Variants in TANC2 observed in about 807,000 individuals in gnomAD.
The protein encoded by TANC2 is tetratricopeptide repeat, ankyrin repeat and coiled-coil containing 2.
In TANC2, 26 loss-of-function variants were observed where a neutral mutation model predicts 210.5. The ratio of observed to expected loss-of-function variants is 0.12; its 90% CI spans 0.09 to 0.17. TANC2 has a LOEUF of 0.17. TANC2 is among the 10% of genes least tolerant of loss of function. The pLI, the probability that TANC2 is intolerant of heterozygous loss-of-function variation, is 1.00. For synonymous variants in TANC2, 931 were observed against 967.1 expected (o/e 0.96, Z 0.69); for missense variants, 2,129 against 2,608.9 (o/e 0.82, Z 4.01).
chr17:63,015,188 G>A (rs1439070199), intron 2 of TANC2, among the ~76,000 whole-genome samples: 2 of 151,734 alleles, frequency 1.3e-5, no homozygotes, highest in South Asian at 2.1e-4. Flanking sequence ...AGTTTAAAAA[G>A]CATTTGTAAT....
intron 14 of TANC2, among the ~76,000 whole-genome samples, chr17:63,371,321 C>A (rs1210332711): frequency 6.6e-6 from 1 of 152,042 alleles, no homozygotes; most frequent in Non-Finnish European, 1.5e-5. Flanking sequence ...AAAAAATGAG[C>A]CAGGCGTGGT....
exon 12 of TANC2, chr17:63,340,190 C>T (rs1225583498): frequency 6.2e-7 from 1 of 1,613,948 alleles, no homozygotes; most frequent in Non-Finnish European, 8.5e-7. Context: ...TGCTCTGCCG[C>T]TCACCTCAGC....
At chr17:63,016,154 G>C (rs1017020239) in intron 2 of TANC2, among the ~76,000 whole-genome samples, 1 of 152,124 alleles carries the variant, frequency 6.6e-6, no homozygotes, top group Non-Finnish European at 1.5e-5. Flanking sequence ...ACAAGAAGTA[G>C]AATTTATTCC....
At position 63,328,376 on chromosome 17, in the gene TANC2, ATGTGTGTGTG is replaced by A. The variant is rs61546119; in HGVS notation, c.1575+9308_1575+9317del. 4.9e-4 allele frequency among the ~76,000 whole-genome samples: 72 copies of A among 147,132 alleles called. No individual in the cohort carries two copies. In the South Asian group the frequency reaches 6.1e-3, roughly 12 times the overall value. ...TAAAACATGGTATGTGTATGTGTATATGTGTGTGTGTGTGTGTGTGTGTGTGTGTGTATTC... is the reference window on the plus strand; with the variant it reads ...TAAAACATGGTATGTGTATGTGTATATGTGTGTGTGTGTGTGTGTGTATTC... On this transcript the variant is annotated intron_variant, in intron 11 of 27. Coordinates refer to ENST00000689528, the Ensembl canonical transcript of TANC2.
chr17:63,089,210 G>A (rs2037090618), intron 3 of TANC2: 1 of 152,238 alleles, frequency 6.6e-6, no homozygotes, highest in African/African-American at 2.4e-5. Flanking sequence ...ATTCCAGGCA[G>A]ATGGAAGGGC....
At chr17:63,179,973 TAAAAA>T (rs34426210) in intron 5 of TANC2, among the ~76,000 whole-genome samples, 1 of 123,266 alleles carries the variant, frequency 8.1e-6, no homozygotes. Flanking sequence ...TACATCTCTT[TAAAAA>T]AAAAAAAAAA....
intron 7 of TANC2, among the ~76,000 whole-genome samples, chr17:63,222,510 G>A (rs1394185918): frequency 1.3e-5 from 2 of 152,140 alleles, no homozygotes; most frequent in Non-Finnish European, 2.9e-5. Flanking sequence ...TTCTACAAAA[G>A]GCAAAACTAT....
intron 12 of TANC2, 125 bp downstream of exon 12, chr17:63,340,457 T>G: frequency 4.6e-5 from 33 of 710,942 alleles, no homozygotes; most frequent in Non-Finnish European, 5.8e-5. Context: ...CTGGATATCC[T>G]GTAGGATACA....
chr17:63,132,538 T>A (rs1346375402), intron 4 of TANC2, among the ~76,000 whole-genome samples: 1 of 152,202 alleles, frequency 6.6e-6, no homozygotes, highest in Non-Finnish European at 1.5e-5. Context: ...GTTCTGTCTC[T>A]CCAGCTAGCT....
intron 3 of TANC2, among the ~76,000 whole-genome samples, chr17:63,094,801 C>G (rs1487034355): frequency 6.6e-6 from 1 of 152,120 alleles, no homozygotes; most frequent in African/African-American, 2.4e-5. Context: ...GTCTAGTCAC[C>G]AGGTGTCCAG....
At chr17:63,425,733 T>A (rs1037539005) in exon 28 of TANC2, 1 of 152,226 alleles carries the variant, frequency 6.6e-6, no homozygotes, top group Admixed American at 6.5e-5. Context: ...TCTGTGCCAG[T>A]TGTGCAAGAC....
At chr17:63,069,240 A>G (rs1437827024) in intron 2 of TANC2, among the ~76,000 whole-genome samples, 5 of 152,168 alleles carry the variant, frequency 3.3e-5, no homozygotes, top group African/African-American at 1.2e-4. Context: ...TTATGAACAT[A>G]TTTCTCAGCT....
intron 5 of TANC2, among the ~76,000 whole-genome samples, chr17:63,184,336 A>G (rs916299500): frequency 2.4e-4 from 37 of 152,180 alleles, no homozygotes; most frequent in African/African-American, 8.4e-4. Context: ...AGAGTAAAAA[A>G]GCATAAACAA....
intron 14 of TANC2, among the ~76,000 whole-genome samples, chr17:63,360,797 G>A (rs749624388): frequency 2.3e-4 from 35 of 151,696 alleles, no homozygotes; most frequent in Non-Finnish European, 4.9e-4. Context: ...CCCCAGTCCT[G>A]ACTACCCTTC....
At chr17:63,104,375 T>C (rs2037743353) in intron 4 of TANC2, among the ~76,000 whole-genome samples, 1 of 152,212 alleles carries the variant, frequency 6.6e-6, no homozygotes, top group Non-Finnish European at 1.5e-5. Flanking sequence ...TTACCCATTA[T>C]GTACATTTGT....
intron 9 of TANC2, among the ~76,000 whole-genome samples, chr17:63,287,576 T>C (rs560935019): frequency 6.6e-6 from 1 of 152,330 alleles, no homozygotes; most frequent in Non-Finnish European, 1.5e-5. Context: ...TTTTCTGTCT[T>C]GCCTTAATCA....
Position 63,369,959 on chromosome 17 carries a change from G to A in TANC2, c.2583-9759G>A, listed in dbSNP as rs189218169. On this transcript the variant is annotated intron_variant, in intron 14 of 27. Coordinates refer to ENST00000689528, the Ensembl canonical transcript of TANC2. ...CTTCCCTACACAAAAAAAAGACCAAGCGCTTTTGAGTATCACCAAAATGTC... is the reference window on the plus strand; with the variant it reads ...CTTCCCTACACAAAAAAAAGACCAAACGCTTTTGAGTATCACCAAAATGTC... Among the ~76,000 whole-genome samples, 14 of 151,966 alleles carry A rather than the reference G, an allele frequency of 9.2e-5. No individual in the cohort carries two copies. In the East Asian group the frequency reaches 1.6e-3, roughly 17 times the overall value.
intron 1 of TANC2, among the ~76,000 whole-genome samples, chr17:62,987,838 G>A (rs1457184542): frequency 6.6e-6 from 1 of 152,082 alleles, no homozygotes; most frequent in Non-Finnish European, 1.5e-5. Flanking sequence ...AGGGGTGCAG[G>A]GGACGAGCAT....
chr17:63,022,065 G>A (rs1335354441), intron 2 of TANC2, among the ~76,000 whole-genome samples: 1 of 152,070 alleles, frequency 6.6e-6, no homozygotes, highest in Non-Finnish European at 1.5e-5. Flanking sequence ...ACTAGGCCGG[G>A]CGCGGTGGGT....
Sources: allele counts gnomAD v4.1 joint callset (sites outside exome capture counted in the v4.1 genomes callset), GRCh38; gene constraint gnomAD v4.1.1; transcripts MANE v1.5; gene names NCBI Gene and HGNC (gene_info 2026-07-23, HGNC 2026-07-21).